YAF2: variants seen among roughly 807,000 people sequenced by gnomAD.
The protein encoded by YAF2 is YY1 associated factor 2.
YAF2 carries 7 observed loss-of-function variants against 20.1 expected under a neutral mutation model. That is an observed-to-expected ratio of 0.35 (90% CI 0.20 to 0.65). The LOEUF is 0.65. Ranked by LOEUF, YAF2 falls within the 30% of genes least tolerant of loss-of-function variation. The pLI, the probability that YAF2 is intolerant of heterozygous loss-of-function variation, is 0.69. For missense variants in YAF2, 151 were observed against 219.2 expected (o/e 0.69, Z 1.96); for synonymous variants, 74 against 76.0 (o/e 0.97, Z 0.14).
intron 2 of YAF2, among the ~76,000 whole-genome samples, chr12:42,183,657 C>T (rs1489057499): frequency 6.6e-6 from 1 of 152,160 alleles, no homozygotes; most frequent in Admixed American, 6.5e-5. Flanking sequence ...AAAGTCAAGC[C>T]ACCTTCACAT....
chr12:42,194,410 G>A (rs1009485972), intron 2 of YAF2, among the ~76,000 whole-genome samples: 1 of 152,132 alleles, frequency 6.6e-6, no homozygotes, highest in African/African-American at 2.4e-5. Flanking sequence ...TCGGGAGGCT[G>A]AGACAGGCAG....
intron 2 of YAF2, among the ~76,000 whole-genome samples, chr12:42,174,197 A>G (rs1251921370): frequency 6.6e-6 from 1 of 151,560 alleles, no homozygotes; most frequent in Non-Finnish European, 1.5e-5. Context: ...AATTTTCTAT[A>G]CTCACTCTAT....
chr12:42,205,824 T>C (rs2067025432), intron 2 of YAF2: 2 of 338,634 alleles, frequency 5.9e-6, no homozygotes, highest in South Asian at 2.4e-5. Flanking sequence ...TTAAAGATTA[T>C]AAATTTATCC....
chr12:42,185,423 G>A lies in YAF2; in HGVS notation c.153-23658C>T, dbSNP rs181310841. 4.9e-3 allele frequency among the ~76,000 whole-genome samples: 752 copies of A among 152,330 alleles called. 6 individuals carry two copies. The highest frequency in any genetic ancestry group is 0.017 in the African/African-American group (726 of 41,582). On this transcript the variant is annotated intron_variant, in intron 2 of 3. Coordinates refer to ENST00000534854, the MANE Select transcript of YAF2 (RefSeq NM_005748.6). ...ACTTAATTGATAAAGAAGCAACAGG[G>A]CTTGAGAGGACTGGCTTAAATTTTG...
At chr12:42,168,222 G>A (rs1207287977) in intron 2 of YAF2, among the ~76,000 whole-genome samples, 2 of 141,976 alleles carry the variant, frequency 1.4e-5, no homozygotes, top group South Asian at 2.2e-4. Context: ...TTTGTTGCCC[G>A]GGCTGGAGTG....
At position 42,194,116 on chromosome 12, in the gene YAF2, A is replaced by C. The variant is rs140398519; in HGVS notation, c.153-32351T>G. On this transcript the variant is annotated intron_variant, in intron 2 of 3. Coordinates refer to ENST00000534854, the MANE Select transcript of YAF2 (RefSeq NM_005748.6). ...ACAAAAGAGTGAAAACATTAAAAAA[A>C]TTAATACTAAGCTCATAAAGTAAAA... Among the ~76,000 whole-genome samples, 118 of 152,370 alleles carry C rather than the reference A, an allele frequency of 7.7e-4. 1 individual carries two copies. The highest frequency in any genetic ancestry group is 2.7e-3 in the African/African-American group (114 of 41,582).
Position 42,206,224 on chromosome 12 carries a change from G to A in YAF2, c.152+31375C>T, listed in dbSNP as rs576443215. Among the ~76,000 whole-genome samples, 75 of 149,072 alleles carry A rather than the reference G, an allele frequency of 5.0e-4. 2 individuals carry two copies. The highest frequency in any genetic ancestry group is 1.8e-3 in the African/African-American group (74 of 40,382). On this transcript the variant is annotated intron_variant, in intron 2 of 3. Coordinates refer to ENST00000534854, the MANE Select transcript of YAF2 (RefSeq NM_005748.6). ...GCTATATTTTTCAAGATTTTAATTGGTTATTTTACATAAATATTTATTGTT... is the reference window on the plus strand; with the variant it reads ...GCTATATTTTTCAAGATTTTAATTGATTATTTTACATAAATATTTATTGTT...
At chr12:42,237,440 G>A in intron 2 of YAF2, 159 bp downstream of exon 2, 6 of 1,313,040 alleles carry the variant, frequency 4.6e-6, no homozygotes, top group East Asian at 3.3e-5. Context: ...CATCGCCTGG[G>A]TTGCGATCAA....
chr12:42,208,950 T>TA (rs2067128426), intron 2 of YAF2, among the ~76,000 whole-genome samples: 1 of 152,216 alleles, frequency 6.6e-6, no homozygotes, highest in African/African-American at 2.4e-5. Flanking sequence ...AGGACACCAC[T>TA]ACGAGCTCTT....
At position 42,158,567 on chromosome 12, in the gene YAF2, T is replaced by C. The variant is rs2065742961; in HGVS notation, c.*2022A>G. On this transcript the variant is annotated 3_prime_UTR_variant, in exon 4 of 4. Transcript: ENST00000534854. The stretch of plus-strand genomic sequence containing the variant: ...TTAGCCCTGTTTTATAGATGGAAAG[T>C]AAGCTTGGGTAATTTAAGCTCATTT... The C allele has an allele frequency of 6.6e-6, 1 of 152,206 alleles. No homozygotes were observed. The highest frequency in any genetic ancestry group is 1.5e-5 in the Non-Finnish European group (1 of 68,022). The allele number at this position is 152,206 out of a possible 1,614,324, so 9.4% of individuals were successfully genotyped here.
intron 2 of YAF2, chr12:42,234,465 T>C (rs765068353): frequency 2.0e-6 from 2 of 978,862 alleles, no homozygotes; most frequent in Non-Finnish European, 2.4e-6. Context: ...CACTCTGCAA[T>C]ATACCCAAGT....
rs551670756 is a variant in YAF2 at position 42,223,007 on chromosome 12, T to C, written c.152+14592A>G. Among the ~76,000 whole-genome samples the C allele has an allele frequency of 2.0e-5, 3 of 152,142 alleles. 1 individual carries two copies. Among genetic ancestry groups the C allele is most frequent in the African/African-American group, 7.2e-5 (3 of 41,524 alleles). On this transcript the variant is annotated intron_variant, in intron 2 of 3. Transcript: ENST00000534854. Reference sequence around the variant, plus strand: ...CTCAGTAAAAAGCTGTGTCTTTCATTATCTGTCACTTGTGCAGTGCTTTAC... The same window carrying C: ...CTCAGTAAAAAGCTGTGTCTTTCATCATCTGTCACTTGTGCAGTGCTTTAC...
intron 2 of YAF2, among the ~76,000 whole-genome samples, chr12:42,236,986 C>T (rs202108934): frequency 6.6e-6 from 1 of 152,278 alleles, no homozygotes; most frequent in East Asian, 1.9e-4. Context: ...GTCTAAGAGA[C>T]TGCCATTTAA....
chr12:42,222,754 A>AT (rs199502778), intron 2 of YAF2, among the ~76,000 whole-genome samples: 1,862 of 151,338 alleles, frequency 0.012, 79 homozygotes, highest in Admixed American at 0.089. Flanking sequence ...ATATTCAGGG[A>AT]TTTTTTTTTC....
At position 42,164,819 on chromosome 12, in the gene YAF2, C is replaced by T. The variant is rs149257518; in HGVS notation, c.153-3054G>A. ...GCGTGGTGGCTCACACCTGTAATCC[C>T]AGCACTTTGGGAGGCCAAGGCAGGC... On this transcript the variant is annotated intron_variant, in intron 2 of 3. Transcript: ENST00000534854. 9.9e-3 allele frequency among the ~76,000 whole-genome samples: 1,507 copies of T among 152,162 alleles called. 28 individuals carry two copies. The highest frequency in any genetic ancestry group is 0.035 in the African/African-American group (1,441 of 41,522).
chr12:42,178,000 T>C lies in YAF2; in HGVS notation c.153-16235A>G, dbSNP rs2066241832. 2.0e-5 allele frequency among the ~76,000 whole-genome samples: 3 copies of C among 152,164 alleles called. No individual in the cohort carries two copies. The South Asian group carries it at 6.2e-4, about 31-fold the overall frequency. On this transcript the variant is annotated intron_variant, in intron 2 of 3. Transcript: ENST00000534854. ...TGTTTTCCTCTACCAGAATAGAATA[T>C]AGGCTCCCTACCACCCCCCTAATTG...
At chr12:42,177,344 A>G (rs1300849749) in intron 2 of YAF2, among the ~76,000 whole-genome samples, 1 of 152,154 alleles carries the variant, frequency 6.6e-6, no homozygotes, top group Non-Finnish European at 1.5e-5. Flanking sequence ...TGGAGGGTGG[A>G]AAGTCCAAGA....
Position 42,233,184 on chromosome 12 carries a change from A to G in YAF2, c.152+4415T>C, listed in dbSNP as rs1024263252. 7 of 985,308 alleles carry G rather than the reference A, an allele frequency of 7.1e-6. No homozygotes were observed. In the Admixed American group the frequency reaches 3.7e-4, roughly 52 times the overall value. 61.0% of individuals were successfully genotyped at this position (985,308 alleles called of 1,614,324 possible). On this transcript the variant is annotated intron_variant, in intron 2 of 3. Coordinates refer to ENST00000534854, the MANE Select transcript of YAF2 (RefSeq NM_005748.6). ...TAGTGTAACATCTAGCACTCTTTCT[A>G]CTATGTGAAATCTTTTTTATAGCTC...
At chr12:42,229,450 A>G (rs2067910157) in intron 2 of YAF2, among the ~76,000 whole-genome samples, 1 of 151,896 alleles carries the variant, frequency 6.6e-6, no homozygotes, top group African/African-American at 2.4e-5. Flanking sequence ...TTAAATATCT[A>G]CAATACTTCA....
Sources: allele counts gnomAD v4.1 joint callset (sites outside exome capture counted in the v4.1 genomes callset), GRCh38; gene constraint gnomAD v4.1.1; transcripts MANE v1.5; gene names NCBI Gene and HGNC (gene_info 2026-07-23, HGNC 2026-07-21).